The following BRD9 variants were observed in gnomAD, a reference collection of about 807,000 sequenced individuals.
BRD9 encodes bromodomain containing 9.
BRD9 carries 47 observed loss-of-function variants against 68.7 expected under a neutral mutation model. The ratio of observed to expected loss-of-function variants is 0.68; its 90% CI spans 0.54 to 0.87. The LOEUF (loss-of-function observed/expected upper bound fraction) is 0.87. BRD9 is among the 40% of genes least tolerant of loss of function. BRD9 has a pLI of 0.00. For synonymous variants in BRD9, 313 were observed against 293.9 expected (o/e 1.06, Z -0.67); for missense variants, 670 against 748.4 (o/e 0.90, Z 1.22).
intron 7 of BRD9, among the ~76,000 whole-genome samples, chr5:886,155 G>T (rs944645194): frequency 6.6e-6 from 1 of 152,180 alleles, no homozygotes; most frequent in African/African-American, 2.4e-5. Flanking sequence ...ACACAGAAGC[G>T]AGCAGTTCAG....
Position 887,427 on chromosome 5 carries a change from C to T in BRD9, c.651G>A (p.Arg217=). The change falls in exon 6 of 16, where the codon AGG becomes AGA. Residue 217 remains arginine (R), a synonymous_variant. Transcript: ENST00000467963. ...LMCDNAMTYN[R]PDTVYYKLAK... ...CCAACTTGTAGTACACGGTATCTGG[C>T]CTATTGTATGTCATTGCATTATCAC... 1.2e-6 allele frequency: 2 copies of T among 1,614,104 alleles called. No individual in the cohort carries two copies. The highest frequency in any genetic ancestry group is 2.2e-5 in the South Asian group (2 of 91,072).
chr5:864,944 G>A (rs1229994001), intron 15 of BRD9, among the ~76,000 whole-genome samples: 1 of 152,174 alleles, frequency 6.6e-6, no homozygotes, highest in Non-Finnish European at 1.5e-5. Flanking sequence ...CAAGGTCAAT[G>A]GAATCGAAAA....
chr5:881,412 G>T (rs1038255697), intron 8 of BRD9: 5 of 575,192 alleles, frequency 8.7e-6, no homozygotes, highest in East Asian at 5.8e-5. Context: ...TGCTATAGGG[G>T]GTACAGCTGA....
chr5:891,090 G>A (rs1193001995), intron 3 of BRD9, 65 bp downstream of exon 3: 2 of 1,485,256 alleles, frequency 1.3e-6, no homozygotes, highest in African/African-American at 1.4e-5. Flanking sequence ...AGGACACGGT[G>A]CCGACCCCTC....
chr5:881,168 C>G lies in BRD9; in HGVS notation c.981G>C (p.Lys327Asn). The G allele has an allele frequency of 6.2e-7, 1 of 1,614,062 alleles. No homozygotes were observed. The highest frequency in any genetic ancestry group is 8.5e-7 in the Non-Finnish European group (1 of 1,180,036). ...FLPGGKMGYL[K>N]RNGDGSLLYS... ...AGAGCAGGCTCCCGTCCCCGTTCCT[C>G]TTCAGATAGCCCATCTGGAAGGAAG... Residue 327 changes from lysine to asparagine, a missense_variant, in exon 9 of 16, where the codon AAG (lysine) becomes AAC (asparagine). Transcript: ENST00000467963.
intron 4 of BRD9, 113 bp downstream of exon 4, chr5:889,474 G>C (rs1753029818): frequency 8.5e-7 from 1 of 1,172,270 alleles, no homozygotes; most frequent in Non-Finnish European, 1.2e-6. Flanking sequence ...GTCACCAAGA[G>C]AAGGTGCAGG....
chr5:873,902 C>T (rs1750517885), intron 12 of BRD9, among the ~76,000 whole-genome samples: 1 of 152,164 alleles, frequency 6.6e-6, no homozygotes, highest in Non-Finnish European at 1.5e-5. Flanking sequence ...ACAGGGCTCC[C>T]CGAAGGGCCA....
chr5:876,333 G>C, intron 11 of BRD9, 121 bp from the exon 12 acceptor site: 1 of 669,090 alleles, frequency 1.5e-6, no homozygotes, highest in Non-Finnish European at 2.5e-6. Context: ...GACCCTCCCA[G>C]AGCGGGTATT....
At chr5:870,437 A>C in intron 14 of BRD9, 36 bp downstream of exon 14, 1 of 1,508,950 alleles carries the variant, frequency 6.6e-7, no homozygotes, top group Non-Finnish European at 9.2e-7. Flanking sequence ...TCACACCTTC[A>C]CCAGGTGCTG....
intron 7 of BRD9, among the ~76,000 whole-genome samples, chr5:885,337 A>T (rs921660581): frequency 6.6e-6 from 1 of 152,154 alleles, no homozygotes; most frequent in Admixed American, 6.5e-5. Context: ...AGGCTGCAGG[A>T]CCTGAGGGGC....
chr5:892,749 C>T lies in BRD9; in HGVS notation c.-92G>A, dbSNP rs1753654212. The T allele has an allele frequency of 8.5e-7, 1 of 1,177,572 alleles. No individual in the cohort carries two copies. Among genetic ancestry groups the T allele is most frequent in the Non-Finnish European group, 1.1e-6 (1 of 937,980 alleles). 72.9% of individuals were successfully genotyped at this position (1,177,572 alleles called of 1,614,324 possible). A position where few individuals can be genotyped will look rare whatever the true frequency, so the allele number is the denominator to read the frequency against. ...CCACCGCCCCCTGGCCCTGGCTGGC[C>T]GCCCGCGCTCGCTGCGCCGAGGTTG... On this transcript the variant is annotated 5_prime_UTR_variant, in exon 1 of 16. Coordinates refer to ENST00000467963, the MANE Select transcript of BRD9 (RefSeq NM_023924.5).
rs1381843430 is a variant in BRD9, at chr5:865,520, C to T, written c.1587G>A (p.Lys529=). The T allele has an allele frequency of 6.2e-7, 1 of 1,607,590 alleles. No homozygotes were observed. The highest frequency in any genetic ancestry group is 1.3e-5 in the African/African-American group (1 of 75,044). ...DSHLNLDETT[K]LLQDLHEAQA... is the part of the protein sequence containing the mutation. Reference sequence around the variant, plus strand: ...GTGCTTCGTGCAGGTCCTGCAGGAGCTTCGTCGTCTCATCCAAGTTCAAAT... The same window carrying T: ...GTGCTTCGTGCAGGTCCTGCAGGAGTTTCGTCGTCTCATCCAAGTTCAAAT... Residue 529 remains lysine (K), a synonymous_variant, in exon 15 of 16, where the codon AAG becomes AAA. Transcript: ENST00000467963.
In BRD9 at chr5:889,184, T is replaced by C. The variant is rs774597090; in HGVS notation, c.462-19A>G. On this transcript the variant is annotated intron_variant, in intron 4 of 15. Coordinates refer to ENST00000467963, the MANE Select transcript of BRD9 (RefSeq NM_023924.5). ...ATCTTTTCTGAAAGCAAAGACATCT[T>C]AAAGCGGAAAAATCTAGATTTCTAA... 4 of 1,600,720 alleles carry C rather than the reference T, an allele frequency of 2.5e-6. No individual in the cohort carries two copies. In the African/African-American group the frequency reaches 4.0e-5, roughly 16 times the overall value.
chr5:884,645 T>C (rs775486225), intron 7 of BRD9, among the ~76,000 whole-genome samples: 1 of 152,254 alleles, frequency 6.6e-6, no homozygotes, highest in Non-Finnish European at 1.5e-5. Context: ...TGGAAGGTTC[T>C]AGAAGCAAGC....
chr5:885,446 G>A (rs866964060), intron 7 of BRD9, among the ~76,000 whole-genome samples: 2 of 152,190 alleles, frequency 1.3e-5, no homozygotes, highest in African/African-American at 2.4e-5. Flanking sequence ...TTAAATCCAC[G>A]TGAGTCCCAT....
rs187177963 is a variant in BRD9 at position 890,730 on chromosome 5, G to A, written c.400+425C>T. Among the ~76,000 whole-genome samples, 313 of 152,254 alleles carry A rather than the reference G, an allele frequency of 2.1e-3. 2 individuals carry two copies. Among genetic ancestry groups the A allele is most frequent in the African/African-American group, 7.0e-3 (291 of 41,538 alleles). On this transcript the variant is annotated intron_variant, in intron 3 of 15. Transcript: ENST00000467963. ...CTCTTACCAGTCTGACCCAGATGGG[G>A]CTACTGTTCCAATACTGTCTTAAGT...
chr5:892,352 T>G (rs1753569723), intron 1 of BRD9: 1 of 813,370 alleles, frequency 1.2e-6, no homozygotes, highest in Non-Finnish European at 1.8e-6. Context: ...TTCCCTAGTC[T>G]CCAGGACCGG....
At chr5:870,123 G>A (rs1022112394) in intron 14 of BRD9, among the ~76,000 whole-genome samples, 3 of 152,218 alleles carry the variant, frequency 2.0e-5, no homozygotes, top group Non-Finnish European at 2.9e-5. Context: ...AGAGCCTCCA[G>A]GCGTCCAGCA....
At chr5:883,639 G>A (rs1752123409) in intron 8 of BRD9, 2 of 479,926 alleles carry the variant, frequency 4.2e-6, no homozygotes, top group African/African-American at 3.9e-5. Context: ...ACAGAAGTCA[G>A]CATTCACTCC....
Sources: allele counts gnomAD v4.1 joint callset (sites outside exome capture counted in the v4.1 genomes callset), GRCh38; gene constraint gnomAD v4.1.1; transcripts MANE v1.5; gene names NCBI Gene and HGNC (gene_info 2026-07-23, HGNC 2026-07-21).